The following FGF1 variants were observed in gnomAD, a reference collection of about 807,000 sequenced individuals.
FGF1 encodes the protein fibroblast growth factor 1, also known as beta-endothelial cell growth factor.
FGF1 carries 9 observed loss-of-function variants against 13.4 expected under a neutral mutation model. The observed-to-expected ratio is 0.67, with a 90% CI of 0.40 to 1.17. The LOEUF is 1.17. Among genes scored for constraint, FGF1 ranks in the 50% most tolerant of loss-of-function variants. The pLI is 0.01. For synonymous variants in FGF1, 93 were observed against 79.0 expected (o/e 1.18, Z -0.94); for missense variants, 156 against 192.7 (o/e 0.81, Z 1.13).
intron 2 of FGF1, among the ~76,000 whole-genome samples, chr5:142,609,467 C>A (rs543000544): frequency 6.6e-5 from 10 of 152,268 alleles, no homozygotes; most frequent in African/African-American, 1.9e-4. Flanking sequence ...GGAAACTCCC[C>A]AGAAAGATCA....
intron 2 of FGF1, among the ~76,000 whole-genome samples, chr5:142,694,851 G>A (rs1752853922): frequency 6.8e-6 from 1 of 147,350 alleles, no homozygotes; most frequent in Non-Finnish European, 1.5e-5. Context: ...TCTGGGGCAG[G>A]GGAGTGACCC....
chr5:142,655,168 T>C (rs1213592169), intron 1 of FGF1, among the ~76,000 whole-genome samples: 1 of 152,228 alleles, frequency 6.6e-6, no homozygotes, highest in Non-Finnish European at 1.5e-5. Context: ...TTCAACGTGG[T>C]AATAGCAGCA....
chr5:142,611,612 T>C (rs1227258159), intron 2 of FGF1, among the ~76,000 whole-genome samples: 2 of 152,218 alleles, frequency 1.3e-5, no homozygotes, highest in African/African-American at 4.8e-5. Flanking sequence ...TCGAGCCTGC[T>C]GACTCTTCAG....
At chr5:142,675,448 C>T (rs1772360688) in intron 1 of FGF1, among the ~76,000 whole-genome samples, 1 of 152,176 alleles carries the variant, frequency 6.6e-6, no homozygotes, top group Non-Finnish European at 1.5e-5. Flanking sequence ...TGCTCATGGT[C>T]ACCTGGTGCA....
At chr5:142,696,933 C>T (rs1158763449) in intron 2 of FGF1, among the ~76,000 whole-genome samples, 1 of 152,166 alleles carries the variant, frequency 6.6e-6, no homozygotes, top group Admixed American at 6.5e-5. Flanking sequence ...GGCGTCTATC[C>T]ATATCCCTAA....
intron 1 of FGF1, among the ~76,000 whole-genome samples, chr5:142,653,865 G>C (rs1767699369): frequency 6.6e-6 from 1 of 152,210 alleles, no homozygotes; most frequent in Non-Finnish European, 1.5e-5. Context: ...AGGCTGAGGT[G>C]GGTGGATCAC....
intron 2 of FGF1, among the ~76,000 whole-genome samples, chr5:142,692,966 T>C (rs1464313086): frequency 6.6e-6 from 1 of 152,142 alleles, no homozygotes; most frequent in Admixed American, 6.5e-5. Context: ...TTTATAATCT[T>C]AGAATGGGAA....
chr5:142,694,201 GA>G, intron 2 of FGF1, among the ~76,000 whole-genome samples: 1 of 150,424 alleles, frequency 6.6e-6, no homozygotes, highest in Non-Finnish European at 1.5e-5. Flanking sequence ...TAACCTCATG[GA>G]GAACCAAGCA....
Position 142,620,438 on chromosome 5 carries a change from C to T in FGF1, c.-34-6277G>A, listed in dbSNP as rs1165458536. ...GTCTCAAAAAAAAAAATTGAAAACTCGTGTGGCTATATTAATATCAGATAA... is the reference window on the plus strand; with the variant it reads ...GTCTCAAAAAAAAAAATTGAAAACTTGTGTGGCTATATTAATATCAGATAA... On this transcript the variant is annotated intron_variant, in intron 1 of 3. Coordinates refer to ENST00000337706, the MANE Select transcript of FGF1 (RefSeq NM_000800.5). Among the ~76,000 whole-genome samples, 5 of 151,944 alleles carry T rather than the reference C, an allele frequency of 3.3e-5. No homozygotes were observed. The East Asian group carries it at 7.7e-4, about 24-fold the overall frequency.
chr5:142,597,312 CCAATGGTTAT>C (rs1412259765), intron 3 of FGF1, among the ~76,000 whole-genome samples: 2 of 152,124 alleles, frequency 1.3e-5, no homozygotes, highest in African/African-American at 4.8e-5. Context: ...GGTCTCTGAA[CCAATGGTTAT>C]AGGGGCAAGC....
chr5:142,621,052 G>T (rs2151899400), intron 1 of FGF1, among the ~76,000 whole-genome samples: 1 of 152,284 alleles, frequency 6.6e-6, no homozygotes, highest in East Asian at 1.9e-4. Context: ...TGCTGCAGCA[G>T]GTCCCACCTT....
chr5:142,695,237 A>G (rs1752912638), intron 2 of FGF1, among the ~76,000 whole-genome samples: 1 of 152,186 alleles, frequency 6.6e-6, no homozygotes, highest in Non-Finnish European at 1.5e-5. Context: ...CCAGCATACC[A>G]TCTGTGTTTG....
chr5:142,640,868 C>G (rs1186401024), intron 1 of FGF1, among the ~76,000 whole-genome samples: 1 of 151,962 alleles, frequency 6.6e-6, no homozygotes, highest in African/African-American at 2.4e-5. Flanking sequence ...CCTTGGGAAT[C>G]TTCAACTCCT....
intron 3 of FGF1, among the ~76,000 whole-genome samples, chr5:142,595,718 T>C (rs1755113351): frequency 6.6e-6 from 1 of 152,208 alleles, no homozygotes; most frequent in Admixed American, 6.5e-5. Context: ...ATTGTAAACT[T>C]CCTTTCCATT....
rs1479859793 is a variant in FGF1 at position 142,594,104 on chromosome 5, T to C, written c.*1186A>G. 6.6e-6 allele frequency: 1 copy of C among 152,334 alleles called. No homozygotes were observed. Among genetic ancestry groups the C allele is most frequent in the Non-Finnish European group, 1.5e-5 (1 of 68,036 alleles). 9.4% of individuals were successfully genotyped at this position (152,334 alleles called of 1,614,324 possible). A position where few individuals can be genotyped will look rare whatever the true frequency, so the allele number is the denominator to read the frequency against. ...CTGCCTGAATGCTCAGGTAGACTCA[T>C]GAGGTGTGCATTTTTAAGGGTTAGT... On this transcript the variant is annotated 3_prime_UTR_variant, in exon 4 of 4. Transcript: ENST00000337706.
intron 1 of FGF1, chr5:142,627,323 G>A (rs1313275830): frequency 6.6e-6 from 1 of 152,168 alleles, no homozygotes; most frequent in South Asian, 2.1e-4. Context: ...AGAATGGACA[G>A]CTTACCAAAG....
At chr5:142,611,145 T>C (rs1287173572) in intron 2 of FGF1, among the ~76,000 whole-genome samples, 1 of 152,186 alleles carries the variant, frequency 6.6e-6, no homozygotes, top group Non-Finnish European at 1.5e-5. Flanking sequence ...GCCGTGTGGA[T>C]CACATTTAGT....
chr5:142,625,041 C>A (rs1762227733), intron 1 of FGF1, among the ~76,000 whole-genome samples: 1 of 152,100 alleles, frequency 6.6e-6, no homozygotes, highest in Admixed American at 6.6e-5. Context: ...CTAAAATTAC[C>A]CAAATTCTAG....
chr5:142,671,056 A>G (rs149301369), intron 1 of FGF1, among the ~76,000 whole-genome samples: 1 of 152,226 alleles, frequency 6.6e-6, no homozygotes, highest in Non-Finnish European at 1.5e-5. Context: ...GTTTCTCAAC[A>G]TGCAACACAA....
Sources: gnomAD v4.1 joint callset for allele counts (sites outside exome capture counted in the v4.1 genomes callset) on GRCh38, gnomAD v4.1.1 for gene constraint, MANE v1.5 for transcripts, NCBI Gene and HGNC (gene_info 2026-07-23, HGNC 2026-07-21) for gene names.